INSL6: variants seen among roughly 807,000 people sequenced by gnomAD.
The protein encoded by INSL6 is insulin-like peptide INSL6.
In INSL6, 16 loss-of-function variants were observed where a neutral mutation model predicts 9.4. The ratio of observed to expected loss-of-function variants is 1.70; its 90% confidence interval spans 1.15 to 2.59. INSL6 has a LOEUF of 2.59. Ranked by LOEUF, INSL6 falls within the 30% of genes most tolerant of loss-of-function variation. The probability of loss-of-function intolerance (pLI) is 0.00; values close to 1 mark genes in which losing one functional copy is unlikely to be tolerated. For synonymous variants in INSL6, 154 were observed against 96.9 expected (o/e 1.59, Z -3.46); for missense variants, 391 against 257.3 (o/e 1.52, Z -3.56).
At chr9:5,000,611 T>A in the INSL6 span, among the ~76,000 whole-genome samples, 1 of 152,220 alleles carries the variant, frequency 6.6e-6, no homozygotes, top group Non-Finnish European at 1.5e-5. Flanking sequence ...TTTAAACTTT[T>A]TGAGCTTATG....
chr9:5,086,002 A>G, the INSL6 span: 4 of 838,050 alleles, frequency 4.8e-6, no homozygotes, highest in Non-Finnish European at 8.4e-6. Flanking sequence ...GTGTGATGAA[A>G]CTGTGATATA....
intron 3 of INSL6, among the ~76,000 whole-genome samples, chr9:5,132,342 A>G (rs1824307596): frequency 6.6e-6 from 1 of 152,222 alleles, no homozygotes; most frequent in Non-Finnish European, 1.5e-5. Flanking sequence ...ATCTAAGATC[A>G]TTCACATTTA....
At chr9:5,034,640 T>A in the INSL6 span, among the ~76,000 whole-genome samples, 5 of 151,812 alleles carry the variant, frequency 3.3e-5, no homozygotes, top group Middle Eastern at 3.2e-3. Flanking sequence ...GAATGACTAC[T>A]GGGTACATAA....
chr9:5,118,884 T>C (rs62543884), downstream of INSL6, among the ~76,000 whole-genome samples: 5,715 of 152,298 alleles, frequency 0.038, 161 homozygotes, highest in Non-Finnish European at 0.058. Context: ...CTTTCAAAAA[T>C]GAGTTTACTA....
the INSL6 span, chr9:5,099,142 AT>A: frequency 9.1e-4 from 138 of 152,336 alleles, 1 homozygote; most frequent in African/African-American, 3.0e-3. Flanking sequence ...CTCATGAACT[AT>A]CCCCTTATTA....
At chr9:5,176,407 C>T (rs1825309704) in intron 1 of INSL6, among the ~76,000 whole-genome samples, 1 of 152,162 alleles carries the variant, frequency 6.6e-6, no homozygotes, top group South Asian at 2.1e-4. Context: ...TAATAAAGCT[C>T]CATAAAGCCT....
chr9:5,043,312 T>TAAAA, the INSL6 span, among the ~76,000 whole-genome samples: 1 of 143,688 alleles, frequency 7.0e-6, no homozygotes, highest in African/African-American at 2.6e-5. Flanking sequence ...TTAGGGGCTT[T>TAAAA]AAAAAAAAAA....
chr9:5,163,489 G>C (rs796953606), downstream of INSL6, among the ~76,000 whole-genome samples: 1 of 152,190 alleles, frequency 6.6e-6, no homozygotes, highest in African/African-American at 2.4e-5. Context: ...AGGAATGGTA[G>C]TTGATTCGTT....
chr9:5,172,496 A>C (rs970396708), intron 1 of INSL6, among the ~76,000 whole-genome samples: 1 of 152,270 alleles, frequency 6.6e-6, no homozygotes, highest in African/African-American at 2.4e-5. Context: ...TGCACAGCAA[A>C]AGAAACTACC....
chr9:5,185,343 G>T lies in INSL6; in HGVS notation c.260C>A (p.Ser87Tyr), dbSNP rs1001340090. Residue 87 changes from serine (S) to tyrosine (Y), a missense_variant, in exon 1 of 2, where the codon TCC becomes TAC. Ser to Tyr is a moderately radical substitution (Grantham distance 144). Coordinates refer to ENST00000381641, the MANE Select transcript of INSL6 (RefSeq NM_007179.3). ...GTTTGTGCCTCTTCCCCGGGCCGGGGAAGCGGTTTGCGGGCTTTCGAACTG... is the reference window on the plus strand; with the variant it reads ...GTTTGTGCCTCTTCCCCGGGCCGGGTAAGCGGTTTGCGGGCTTTCGAACTG... Reference protein sequence around the residue: ...PYQFESPQTASPARGRGTNPV... With the variant: ...PYQFESPQTAYPARGRGTNPV... The T allele has an allele frequency of 1.2e-6, 2 of 1,614,152 alleles. No homozygotes were observed. Among genetic ancestry groups the T allele is most frequent in the Non-Finnish European group, 8.5e-7 (1 of 1,180,020 alleles).
chr9:5,083,491 C>G, the INSL6 span, among the ~76,000 whole-genome samples: 1 of 152,182 alleles, frequency 6.6e-6, no homozygotes, highest in Admixed American at 6.5e-5. Flanking sequence ...TGATTTTCCT[C>G]TTTTCTGGGA....
chr9:5,114,699 A>G, the INSL6 span: 1 of 406,814 alleles, frequency 2.5e-6, no homozygotes, highest in South Asian at 2.0e-5. Flanking sequence ...CCTGGAGGTT[A>G]CCAGGGCTGA....
chr9:5,148,905 G>C (rs1223522208), intron 2 of INSL6, among the ~76,000 whole-genome samples: 2 of 152,046 alleles, frequency 1.3e-5, no homozygotes, highest in African/African-American at 2.4e-5. Flanking sequence ...GCCTGGCAGG[G>C]ACCCTGGGAG....
At chr9:5,181,119 C>A (rs1825442571) in intron 1 of INSL6, among the ~76,000 whole-genome samples, 1 of 152,114 alleles carries the variant, frequency 6.6e-6, no homozygotes, top group South Asian at 2.1e-4. Context: ...GCGGGTTCCC[C>A]TGATAATATT....
chr9:5,006,315 G>C, the INSL6 span, among the ~76,000 whole-genome samples: 2 of 152,184 alleles, frequency 1.3e-5, no homozygotes, highest in East Asian at 3.9e-4. Flanking sequence ...GTATAAGAAT[G>C]CTTGTGATTT....
intron 2 of INSL6, among the ~76,000 whole-genome samples, chr9:5,158,070 G>A (rs886622895): frequency 2.0e-5 from 3 of 152,130 alleles, no homozygotes; most frequent in Admixed American, 6.5e-5. Flanking sequence ...GATTGCATCA[G>A]TCTCTTAATA....
chr9:5,035,761 G>A, the INSL6 span, among the ~76,000 whole-genome samples: 73 of 151,994 alleles, frequency 4.8e-4, no homozygotes, highest in African/African-American at 1.7e-3. Context: ...ATGACATACC[G>A]ACAGCCAATA....
chr9:5,075,696 T>C, the INSL6 span, among the ~76,000 whole-genome samples: 1 of 152,310 alleles, frequency 6.6e-6, no homozygotes, highest in Admixed American at 6.5e-5. Flanking sequence ...TACAAGGATA[T>C]TCATGTTATT....
the INSL6 span, among the ~76,000 whole-genome samples, chr9:5,017,755 A>C: frequency 2.0e-5 from 3 of 152,210 alleles, no homozygotes; most frequent in Non-Finnish European, 1.5e-5. Context: ...TTGCAGATGA[A>C]CTTCAAAAAT....
Sources: allele counts gnomAD v4.1 joint callset (sites outside exome capture counted in the v4.1 genomes callset), GRCh38; gene constraint gnomAD v4.1.1; transcripts MANE v1.5; gene names NCBI Gene and HGNC (gene_info 2026-07-23, HGNC 2026-07-21).